SRD5A2: variants seen among roughly 807,000 people sequenced by gnomAD.
The protein encoded by SRD5A2 is 3-oxo-5-alpha-steroid 4-dehydrogenase 2.
SRD5A2 carries 30 observed loss-of-function variants against 27.4 expected under a neutral mutation model. The ratio of observed to expected loss-of-function variants is 1.10; its 90% CI spans 0.82 to 1.49. The LOEUF is 1.49. Ranked by LOEUF, SRD5A2 falls within the 40% of genes most tolerant of loss-of-function variation. The pLI is 0.00. For missense variants in SRD5A2, 348 were observed against 323.4 expected (o/e 1.08, Z -0.58); for synonymous variants, 141 against 133.6 (o/e 1.06, Z -0.38).
In SRD5A2 at chr2:31,543,778, A is replaced by G. The variant is rs148620480; in HGVS notation, c.282-10012T>C. ...CTATAGAATATATACAAAAGGGAAC[A>G]AGGGATGGGGAGTTATACGGTGTAG... On this transcript the variant is annotated intron_variant, in intron 1 of 4. Coordinates refer to ENST00000622030, the MANE Select transcript of SRD5A2 (RefSeq NM_000348.4). 1.6e-4 allele frequency among the ~76,000 whole-genome samples: 25 copies of G among 152,278 alleles called. 1 individual carries two copies. In the East Asian group the frequency reaches 3.9e-3, roughly 23 times the overall value.
chr2:31,596,195 G>C, the SRD5A2 span, among the ~76,000 whole-genome samples: 2 of 151,922 alleles, frequency 1.3e-5, no homozygotes, highest in African/African-American at 4.8e-5. Flanking sequence ...TGAGACCAGC[G>C]TGACCAATAC....
At chr2:31,642,864 C>A in the SRD5A2 span, among the ~76,000 whole-genome samples, 1 of 152,006 alleles carries the variant, frequency 6.6e-6, no homozygotes, top group Non-Finnish European at 1.5e-5. Flanking sequence ...ACTACTGATA[C>A]TATTGACACA....
intron 1 of SRD5A2, among the ~76,000 whole-genome samples, chr2:31,533,984 T>C (rs988648707): frequency 6.6e-6 from 1 of 152,052 alleles, no homozygotes; most frequent in Admixed American, 6.5e-5. Context: ...ATCAACAACA[T>C]GTAATATATA....
the SRD5A2 span, among the ~76,000 whole-genome samples, chr2:31,588,375 GA>G: frequency 6.6e-6 from 1 of 152,110 alleles, no homozygotes; most frequent in Non-Finnish European, 1.5e-5. Flanking sequence ...ACAAGCAAGA[GA>G]AAAGAAACAA....
the SRD5A2 span, among the ~76,000 whole-genome samples, chr2:31,636,083 G>T: frequency 3.3e-5 from 5 of 152,086 alleles, no homozygotes; most frequent in African/African-American, 9.6e-5. Flanking sequence ...TGTGAAGAAT[G>T]TCATTTTTTT....
the SRD5A2 span, among the ~76,000 whole-genome samples, chr2:31,646,859 G>C: frequency 6.6e-6 from 1 of 152,244 alleles, no homozygotes; most frequent in East Asian, 1.9e-4. Context: ...AAAAAAACCA[G>C]CAATAGGCCA....
the SRD5A2 span, among the ~76,000 whole-genome samples, chr2:31,658,905 C>T: frequency 6.6e-6 from 1 of 151,858 alleles, no homozygotes; most frequent in Non-Finnish European, 1.5e-5. Context: ...CTGGCAGAGA[C>T]ACAAGAAAGA....
At chr2:31,652,306 T>C in the SRD5A2 span, among the ~76,000 whole-genome samples, 1 of 152,194 alleles carries the variant, frequency 6.6e-6, no homozygotes, top group Non-Finnish European at 1.5e-5. Flanking sequence ...AGAATACTGA[T>C]GTGAAATTCT....
the SRD5A2 span, among the ~76,000 whole-genome samples, chr2:31,625,031 G>A: frequency 2.0e-5 from 3 of 152,114 alleles, no homozygotes; most frequent in East Asian, 3.9e-4. Context: ...GTTGTTTTCT[G>A]ACTTTTTAAT....
chr2:31,651,128 T>C, the SRD5A2 span, among the ~76,000 whole-genome samples: 1 of 152,154 alleles, frequency 6.6e-6, no homozygotes, highest in Non-Finnish European at 1.5e-5. Flanking sequence ...CAATAGATGG[T>C]GCCTCATGCC....
intron 1 of SRD5A2, among the ~76,000 whole-genome samples, chr2:31,575,749 T>C (rs937552418): frequency 6.6e-6 from 1 of 152,250 alleles, no homozygotes; most frequent in African/African-American, 2.4e-5. Context: ...TCATGGAAAT[T>C]ACATTGCCCA....
At chr2:31,602,466 A>C in the SRD5A2 span, among the ~76,000 whole-genome samples, 1 of 152,164 alleles carries the variant, frequency 6.6e-6, no homozygotes, top group Non-Finnish European at 1.5e-5. Context: ...CAATATTGCG[A>C]AAATGGTCAT....
rs192139302 is a variant in SRD5A2, at chr2:31,564,366, C to T, written c.281+16254G>A. 2.0e-5 allele frequency among the ~76,000 whole-genome samples: 3 copies of T among 150,590 alleles called. No homozygotes were observed. The East Asian group carries it at 5.8e-4, about 29-fold the overall frequency. ...CAATAGAAATTACCCAAAAGAAGCACACAGAAAAAAAAAAGAATCCACAAA... is the reference window on the plus strand; with the variant it reads ...CAATAGAAATTACCCAAAAGAAGCATACAGAAAAAAAAAAGAATCCACAAA... On this transcript the variant is annotated intron_variant, in intron 1 of 4. Coordinates refer to ENST00000622030, the MANE Select transcript of SRD5A2 (RefSeq NM_000348.4).
At chr2:31,607,845 A>G in the SRD5A2 span, among the ~76,000 whole-genome samples, 2 of 152,052 alleles carry the variant, frequency 1.3e-5, no homozygotes, top group Admixed American at 6.6e-5. Flanking sequence ...CCAGTGTGAT[A>G]GTATTAGGAA....
chr2:31,622,971 C>T, the SRD5A2 span, among the ~76,000 whole-genome samples: 6 of 152,168 alleles, frequency 3.9e-5, no homozygotes, highest in Middle Eastern at 3.4e-3. Context: ...CCTGCTTTTT[C>T]ACCTGCTTCA....
chr2:31,587,585 A>T, the SRD5A2 span, among the ~76,000 whole-genome samples: 1 of 152,218 alleles, frequency 6.6e-6, no homozygotes, highest in Non-Finnish European at 1.5e-5. Context: ...AAATGAGTTC[A>T]TGTCCTTTGC....
At chr2:31,654,520 C>T in the SRD5A2 span, among the ~76,000 whole-genome samples, 4 of 152,172 alleles carry the variant, frequency 2.6e-5, no homozygotes, top group Admixed American at 6.5e-5. Context: ...ATGAATTTTA[C>T]GGGCTTGAGT....
intron 1 of SRD5A2, among the ~76,000 whole-genome samples, chr2:31,540,912 C>G (rs951172958): frequency 3.9e-5 from 6 of 152,178 alleles, no homozygotes; most frequent in African/African-American, 1.4e-4. Flanking sequence ...TGCTTCTGAT[C>G]AGAGAGGTAC....
the SRD5A2 span, among the ~76,000 whole-genome samples, chr2:31,628,415 C>T: frequency 3.3e-5 from 5 of 152,098 alleles, no homozygotes; most frequent in African/African-American, 9.7e-5. Flanking sequence ...GGTTTTGCAT[C>T]TTTATCCAAC....
Sources: gnomAD v4.1 joint callset for allele counts (sites outside exome capture counted in the v4.1 genomes callset) on GRCh38, gnomAD v4.1.1 for gene constraint, MANE v1.5 for transcripts, NCBI Gene and HGNC (gene_info 2026-07-23, HGNC 2026-07-21) for gene names.